The following TOX variants were observed in gnomAD, a reference collection of about 807,000 sequenced individuals.
TOX encodes the protein thymocyte selection-associated high mobility group box protein TOX.
Under a neutral mutation model 53.7 loss-of-function variants are expected in TOX, and 11 were observed. The observed-to-expected ratio is 0.20, with a 90% CI of 0.13 to 0.34. The LOEUF (loss-of-function observed/expected upper bound fraction) is 0.34, where lower values mean the gene tolerates loss of function less well. Ranked by LOEUF, TOX falls within the 10% of genes least tolerant of loss-of-function variation. The pLI is 1.00. For synonymous variants in TOX, 225 were observed against 245.3 expected (o/e 0.92, Z 0.77); for missense variants, 570 against 664.6 (o/e 0.86, Z 1.56).
At chr8:59,073,661 G>A (rs1371289151) in intron 1 of TOX, among the ~76,000 whole-genome samples, 1 of 152,064 alleles carries the variant, frequency 6.6e-6, no homozygotes, top group Non-Finnish European at 1.5e-5. Context: ...AAATCCTTGT[G>A]CTAGAGAAGG....
intron 3 of TOX, among the ~76,000 whole-genome samples, chr8:58,903,371 G>A (rs926881682): frequency 1.3e-5 from 2 of 152,200 alleles, no homozygotes; most frequent in Non-Finnish European, 2.9e-5. Context: ...TCTTGCAGAA[G>A]GAGGCGGGTT....
chr8:59,101,362 C>G (rs1426182222), intron 1 of TOX, among the ~76,000 whole-genome samples: 2 of 152,130 alleles, frequency 1.3e-5, no homozygotes, highest in Non-Finnish European at 2.9e-5. Context: ...ACCAATATCA[C>G]AAATGTCATG....
At chr8:58,964,600 T>C (rs1812859707) in intron 1 of TOX, among the ~76,000 whole-genome samples, 1 of 152,168 alleles carries the variant, frequency 6.6e-6, no homozygotes, top group Non-Finnish European at 1.5e-5. Flanking sequence ...TAGCTCTTGG[T>C]CTTAGAAGTG....
chr8:59,075,555 T>C (rs1302556316), intron 1 of TOX, among the ~76,000 whole-genome samples: 1 of 152,224 alleles, frequency 6.6e-6, no homozygotes, highest in East Asian at 1.9e-4. Flanking sequence ...AAAACTCAGC[T>C]TGAACATATT....
At chr8:58,895,210 A>T (rs1357492207) in intron 3 of TOX, among the ~76,000 whole-genome samples, 2 of 152,200 alleles carry the variant, frequency 1.3e-5, no homozygotes, top group Non-Finnish European at 2.9e-5. Flanking sequence ...ATAGATAGAT[A>T]GATAGAGTTT....
intron 1 of TOX, among the ~76,000 whole-genome samples, chr8:59,058,782 A>G (rs1803928819): frequency 6.6e-6 from 1 of 152,180 alleles, no homozygotes; most frequent in African/African-American, 2.4e-5. Context: ...CCTACCAGCC[A>G]CTATCCAGCA....
intron 1 of TOX, among the ~76,000 whole-genome samples, chr8:59,012,018 A>T (rs1258491288): frequency 6.6e-6 from 1 of 152,108 alleles, no homozygotes; most frequent in African/African-American, 2.4e-5. Context: ...TTATGTTCAA[A>T]TCATTTCCGG....
intron 1 of TOX, among the ~76,000 whole-genome samples, chr8:59,051,969 A>T (rs415569): frequency 0.09 from 13,722 of 152,082 alleles, 1,477 homozygotes; most frequent in East Asian, 0.49. Context: ...CGAAGTTTTG[A>T]CTCTCTACTT....
intron 1 of TOX, among the ~76,000 whole-genome samples, chr8:58,979,658 G>C (rs1012735910): frequency 6.6e-6 from 1 of 152,196 alleles, no homozygotes; most frequent in African/African-American, 2.4e-5. Flanking sequence ...GAAACAGAGA[G>C]AGATATAGAT....
intron 3 of TOX, among the ~76,000 whole-genome samples, chr8:58,910,641 A>G (rs151046381): frequency 2.0e-5 from 3 of 152,378 alleles, no homozygotes; most frequent in Non-Finnish European, 4.4e-5. Flanking sequence ...TAAGTGAATT[A>G]AAAAGTATGA....
At chr8:58,827,353 G>A (rs1262488123) in intron 5 of TOX, among the ~76,000 whole-genome samples, 5 of 152,134 alleles carry the variant, frequency 3.3e-5, no homozygotes, top group African/African-American at 1.2e-4. Context: ...GACAAATCAT[G>A]TTCAATAAGC....
intron 1 of TOX, among the ~76,000 whole-genome samples, chr8:59,086,663 T>C (rs1804514459): frequency 2.6e-5 from 4 of 152,216 alleles, no homozygotes; most frequent in Admixed American, 2.6e-4. Context: ...AAATATTCAA[T>C]ATTATCAGTC....
chr8:58,823,000 C>T (rs117107919), intron 6 of TOX, among the ~76,000 whole-genome samples: 5 of 152,170 alleles, frequency 3.3e-5, no homozygotes, highest in Non-Finnish European at 7.3e-5. Context: ...GTGTAAGGCA[C>T]ACAGAAGCTA....
intron 1 of TOX, among the ~76,000 whole-genome samples, chr8:59,062,955 A>G (rs1252823218): frequency 6.6e-6 from 1 of 152,238 alleles, no homozygotes; most frequent in African/African-American, 2.4e-5. Flanking sequence ...AAGGAGGTAA[A>G]ACTGTAAGAA....
chr8:58,852,804 A>G (rs539915284), intron 3 of TOX, among the ~76,000 whole-genome samples: 1 of 152,324 alleles, frequency 6.6e-6, no homozygotes, highest in South Asian at 2.1e-4. Flanking sequence ...AGGAAAAAAG[A>G]TATATGGTTA....
intron 2 of TOX, among the ~76,000 whole-genome samples, chr8:58,957,800 G>A (rs1175231158): frequency 6.6e-6 from 1 of 152,050 alleles, no homozygotes; most frequent in Admixed American, 6.5e-5. Context: ...TGTAGGAAAA[G>A]GAAAAAACTA....
intron 1 of TOX, among the ~76,000 whole-genome samples, chr8:59,063,521 T>C (rs1804029326): frequency 6.6e-6 from 1 of 151,192 alleles, no homozygotes; most frequent in Non-Finnish European, 1.5e-5. Flanking sequence ...CCTCCCGGGT[T>C]CAAGTGATTC....
chr8:58,920,737 G>GA (rs1397497086), intron 3 of TOX, among the ~76,000 whole-genome samples: 28 of 47,662 alleles, frequency 5.9e-4, no homozygotes, highest in East Asian at 1.5e-3. Context: ...AAAAAAAAAA[G>GA]AAAAAAAAGA....
rs913263464 is a variant in TOX, at chr8:58,808,108, G to A, written c.1544+10C>T. The A allele has an allele frequency of 1.9e-6, 3 of 1,604,794 alleles. No homozygotes were observed. The highest frequency in any genetic ancestry group is 2.2e-5 in the East Asian group (1 of 44,822). On this transcript the variant is annotated intron_variant, in intron 8 of 8. Coordinates refer to ENST00000361421, the MANE Select transcript of TOX (RefSeq NM_014729.3). Reference sequence around the variant, plus strand: ...TGTCCACCACCAGGTGGCGATGACCGGCCGCTTACCCACTACTGCAGTAGT... The same window carrying A: ...TGTCCACCACCAGGTGGCGATGACCAGCCGCTTACCCACTACTGCAGTAGT...
Sources: gnomAD v4.1 joint callset for allele counts (sites outside exome capture counted in the v4.1 genomes callset) on GRCh38, gnomAD v4.1.1 for gene constraint, MANE v1.5 for transcripts, NCBI Gene and HGNC (gene_info 2026-07-23, HGNC 2026-07-21) for gene names.